The following SAMD9L variants were observed in gnomAD, a reference collection of about 807,000 sequenced individuals.
The protein encoded by SAMD9L is sterile alpha motif domain containing 9 like.
A neutral mutation model predicts 90.7 loss-of-function variants in SAMD9L; 68 were observed. The ratio of observed to expected loss-of-function variants is 0.75; its 90% CI spans 0.62 to 0.92. The LOEUF is 0.92. Ranked by LOEUF, SAMD9L falls within the 40% of genes least tolerant of loss-of-function variation. The pLI, the probability that SAMD9L is intolerant of heterozygous loss-of-function variation, is 0.00. For missense variants in SAMD9L, 1,604 were observed against 1,824.3 expected (o/e 0.88, Z 2.20); for synonymous variants, 640 against 630.1 (o/e 1.02, Z -0.23).
intron 4 of SAMD9L, among the ~76,000 whole-genome samples, chr7:93,138,099 C>T (rs1562798675): frequency 6.6e-6 from 1 of 152,274 alleles, no homozygotes; most frequent in East Asian, 1.9e-4. Context: ...CAGATCACAA[C>T]TAGTCCTGGG....
chr7:93,131,152 A>C lies in SAMD9L; in HGVS notation c.*65T>G. The C allele has an allele frequency of 1.9e-6, 2 of 1,038,174 alleles. No homozygotes were observed. The highest frequency in any genetic ancestry group is 2.7e-6 in the Non-Finnish European group (2 of 734,024). The allele number at this position is 1,038,174 out of a possible 1,614,324, so 64.3% of individuals were successfully genotyped here. A position where few individuals can be genotyped will look rare whatever the true frequency, so the allele number is the denominator to read the frequency against. Reference sequence around the variant, plus strand: ...AATGTTATGAAAGTGCCATGAGAATAGAGAGAGAGAATAAAATCATAAAGA... The same window carrying C: ...AATGTTATGAAAGTGCCATGAGAATCGAGAGAGAGAATAAAATCATAAAGA... On this transcript the variant is annotated 3_prime_UTR_variant, in exon 5 of 5. Coordinates refer to ENST00000318238, the MANE Select transcript of SAMD9L (RefSeq NM_152703.5).
chr7:93,135,390 A>G lies in SAMD9L; in HGVS notation c.582T>C (p.Asp194=), dbSNP rs1212131510. 2 of 1,613,986 alleles carry G rather than the reference A, an allele frequency of 1.2e-6. No homozygotes were observed. Among genetic ancestry groups the G allele is most frequent in the African/African-American group, 2.7e-5 (2 of 74,920 alleles). Residue 194 remains aspartate, a synonymous_variant, in exon 5 of 5, where the codon GAT becomes GAC. Coordinates refer to ENST00000318238, the MANE Select transcript of SAMD9L (RefSeq NM_152703.5). The stretch of plus-strand genomic sequence containing the variant: ...TGAGAGCTTTGAACTCATGTATTGG[A>G]TCAATGAGATTGAGTGCTCCTGTTT... ...QPETGALNLI[D]PIHEFKALTN... is the part of the protein sequence containing the mutation.
Position 93,132,059 on chromosome 7 carries a change from C to G in SAMD9L, c.3913G>C (p.Glu1305Gln). Reference sequence around the variant, plus strand: ...CATGGATCCAAATGACAGAAAAGTTCTGTGTATTTCCTGAAACAACGACTG... The same window carrying G: ...CATGGATCCAAATGACAGAAAAGTTGTGTGTATTTCCTGAAACAACGACTG... ...KVSRCFRKYTELFCHLDPCLL... is the reference protein window; with the variant it reads ...KVSRCFRKYTQLFCHLDPCLL... Residue 1305 changes from glutamate (E) to glutamine (Q), a missense_variant, in exon 5 of 5, where the codon GAA becomes CAA. Transcript: ENST00000318238. 6.2e-7 allele frequency: 1 copy of G among 1,613,678 alleles called. No individual in the cohort carries two copies. Among genetic ancestry groups the G allele is most frequent in the Non-Finnish European group, 8.5e-7 (1 of 1,179,800 alleles).
In SAMD9L at chr7:93,130,176, C is replaced by G. The variant is rs1792026738; in HGVS notation, c.*1041G>C. On this transcript the variant is annotated 3_prime_UTR_variant, in exon 5 of 5. Transcript: ENST00000318238. ...CTCTAGAATGCTGCTTGAGACTGTTCTGGCTGTTGTGCATCTGAGAATGAG... is the reference window on the plus strand; with the variant it reads ...CTCTAGAATGCTGCTTGAGACTGTTGTGGCTGTTGTGCATCTGAGAATGAG... The G allele has an allele frequency of 6.6e-6, 1 of 152,160 alleles. No individual in the cohort carries two copies. The highest frequency in any genetic ancestry group is 1.5e-5 in the Non-Finnish European group (1 of 68,046). 9.4% of individuals were successfully genotyped at this position (152,160 alleles called of 1,614,324 possible).
chr7:93,132,116 C>A lies in SAMD9L; in HGVS notation c.3856G>T (p.Glu1286Ter). The change falls in exon 5 of 5, where the codon GAA becomes TAA. Residue 1286 changes from glutamate (E) to a stop codon, truncating the protein, a stop_gained. Coordinates refer to ENST00000318238, the MANE Select transcript of SAMD9L (RefSeq NM_152703.5). LOFTEE classifies it high-confidence loss of function. ...VLLKMRYTQKEIAEIMLSKKV... is the reference protein window; with the variant it reads ...VLLKMRYTQK ...TTGCTTAACATGATTTCTGCAATTT[C>A]TTTTTGGGTATACCTCATTTTCAGA... 1 of 1,613,308 alleles carries A rather than the reference C, an allele frequency of 6.2e-7. No homozygotes were observed. Among genetic ancestry groups the A allele is most frequent in the Non-Finnish European group, 8.5e-7 (1 of 1,179,782 alleles).
rs571888872 is a variant in SAMD9L, at chr7:93,139,596, T to G, written c.-20-3605A>C. On this transcript the variant is annotated intron_variant, in intron 4 of 4. Transcript: ENST00000318238. The stretch of plus-strand genomic sequence containing the variant: ...GCTACTGTGAGAGGCATGGAAGAAA[T>G]TCTCCCTTGCAGCCCTCAGAAGGAA... Among the ~76,000 whole-genome samples the G allele has an allele frequency of 9.9e-5, 15 of 152,230 alleles. No individual in the cohort carries two copies. In the South Asian group the frequency reaches 2.9e-3, roughly 29 times the overall value.
chr7:93,141,909 G>A (rs895242867), intron 4 of SAMD9L, among the ~76,000 whole-genome samples: 63 of 152,246 alleles, frequency 4.1e-4, no homozygotes, highest in African/African-American at 1.4e-3. Context: ...CTTAAATAAG[G>A]TCTGACATGA....
chr7:93,132,567 C>T lies in SAMD9L; in HGVS notation c.3405G>A (p.Leu1135=), dbSNP rs745906048. 11 of 1,613,788 alleles carry T rather than the reference C, an allele frequency of 6.8e-6. No individual in the cohort carries two copies. The East Asian group carries it at 2.2e-4, about 33-fold the overall frequency. Reference sequence around the variant, plus strand: ...TGCTCCTACAGTTTTTGTTCCCATCCAACCACCATTTGATTTCACTTTTGT... The same window carrying T: ...TGCTCCTACAGTTTTTGTTCCCATCTAACCACCATTTGATTTCACTTTTGT... ...QVYKSEIKWW[L]DGNKNCRSIT... is the part of the protein sequence containing the mutation. The change falls in exon 5 of 5, where the codon TTG becomes TTA. Residue 1135 remains leucine (L), a synonymous_variant. Coordinates refer to ENST00000318238, the MANE Select transcript of SAMD9L (RefSeq NM_152703.5).
At chr7:93,142,237 A>G (rs912235781) in intron 4 of SAMD9L, among the ~76,000 whole-genome samples, 2 of 152,174 alleles carry the variant, frequency 1.3e-5, no homozygotes, top group African/African-American at 2.4e-5. Flanking sequence ...CATTTCACTT[A>G]ATTATATTTC....
chr7:93,143,293 A>G (rs562146337), intron 4 of SAMD9L, among the ~76,000 whole-genome samples: 5 of 151,644 alleles, frequency 3.3e-5, no homozygotes, highest in African/African-American at 9.7e-5. Context: ...TGGCTGGACA[A>G]TGGCCCTCCA....
chr7:93,131,405 G>A lies in SAMD9L; in HGVS notation c.4567C>T (p.Arg1523Cys), dbSNP rs747058390. 1.1e-5 allele frequency: 17 copies of A among 1,613,492 alleles called. No homozygotes were observed. In the Admixed American group the frequency reaches 1.3e-4, roughly 13 times the overall value. The change falls in exon 5 of 5, where the codon CGT (arginine) becomes TGT (cysteine). Residue 1523 changes from arginine (R) to cysteine (C), a missense_variant. By Grantham distance (180) the Arg-to-Cys change is radical. Transcript: ENST00000318238. ...WKKNEVKDLL[R>C]RLTGQAEGKL... The stretch of plus-strand genomic sequence containing the variant: ...CCTTCAGCCTGACCAGTTAGACGAC[G>A]CAGGAGGTCTTTGACTTCATTTTTT...
intron 4 of SAMD9L, among the ~76,000 whole-genome samples, chr7:93,142,461 A>G (rs567510936): frequency 1.3e-5 from 2 of 152,388 alleles, no homozygotes; most frequent in East Asian, 1.9e-4. Context: ...CAACTCCAGC[A>G]TCTGGATTAG....
At chr7:93,140,085 A>G (rs1057361743) in intron 4 of SAMD9L, among the ~76,000 whole-genome samples, 7 of 149,926 alleles carry the variant, frequency 4.7e-5, no homozygotes, top group Non-Finnish European at 8.8e-5. Context: ...TTGTCAGAGC[A>G]TGGCTGGAGA....
chr7:93,134,240 A>G lies in SAMD9L; in HGVS notation c.1732T>C (p.Leu578=). The change falls in exon 5 of 5, where the codon TTG becomes CTG. Residue 578 remains leucine, a synonymous_variant. Transcript: ENST00000318238. ...ATATGTGAGTTTACAGAGATACACAACATATTTTCCATTCCTTTGAGAGCT... is the reference window on the plus strand; with the variant it reads ...ATATGTGAGTTTACAGAGATACACAGCATATTTTCCATTCCTTTGAGAGCT... The part of the protein sequence containing the change: ...YQALKGMENM[L]CISVNSHIYQ... 1 of 1,613,530 alleles carries G rather than the reference A, an allele frequency of 6.2e-7. No individual in the cohort carries two copies. Among genetic ancestry groups the G allele is most frequent in the Non-Finnish European group, 8.5e-7 (1 of 1,179,798 alleles).
chr7:93,140,408 G>A (rs577718495), intron 4 of SAMD9L, among the ~76,000 whole-genome samples: 276 of 152,276 alleles, frequency 1.8e-3, no homozygotes, highest in African/African-American at 5.0e-3. Context: ...ACCCTGACTG[G>A]AACATGGCTG....
At position 93,130,512 on chromosome 7, in the gene SAMD9L, C is replaced by T. The variant is rs189385478; in HGVS notation, c.*705G>A. 1 of 152,206 alleles carries T rather than the reference C, an allele frequency of 6.6e-6. No individual in the cohort carries two copies. Among genetic ancestry groups the T allele is most frequent in the Non-Finnish European group, 1.5e-5 (1 of 68,024 alleles). 9.4% of individuals were successfully genotyped at this position (152,206 alleles called of 1,614,324 possible). On this transcript the variant is annotated 3_prime_UTR_variant, in exon 5 of 5. Coordinates refer to ENST00000318238, the MANE Select transcript of SAMD9L (RefSeq NM_152703.5). ...AAACAGGTGGAGATAAGGCTGTATT[C>T]ACAGGAGACAAAAATGGCTTAAAGG... is the stretch of plus-strand genomic sequence containing the variant.
intron 4 of SAMD9L, among the ~76,000 whole-genome samples, chr7:93,136,603 CA>C (rs1457488581): frequency 6.6e-6 from 1 of 152,190 alleles, no homozygotes; most frequent in Non-Finnish European, 1.5e-5. Flanking sequence ...AGCTATAATT[CA>C]AGCTGGGCTC....
rs749801054 is a variant in SAMD9L at position 93,134,155 on chromosome 7, T to C, written c.1817A>G (p.Asn606Ser). Residue 606 changes from asparagine (N) to serine (S), a missense_variant, in exon 5 of 5, where the codon AAC becomes AGC. By Grantham distance (46) the Asn-to-Ser change is conservative (BLOSUM62 1). This residue lies in a region of SAMD9L where 606 missense variants were observed against 717.6 expected (regional missense o/e 0.84). Coordinates refer to ENST00000318238, the MANE Select transcript of SAMD9L (RefSeq NM_152703.5). Reference protein sequence around the residue: ...TRMKMEDELTNHSISTLNIEL... With the variant: ...TRMKMEDELTSHSISTLNIEL... Reference sequence around the variant, plus strand: ...TATATTTAAAGTGGAAATACTGTGGTTTGTTAGTTCATCTTCCATCTTCAT... The same window carrying C: ...TATATTTAAAGTGGAAATACTGTGGCTTGTTAGTTCATCTTCCATCTTCAT... 1 of 1,613,884 alleles carries C rather than the reference T, an allele frequency of 6.2e-7. No individual in the cohort carries two copies. The highest frequency in any genetic ancestry group is 8.5e-7 in the Non-Finnish European group (1 of 1,179,866).
intron 2 of SAMD9L, among the ~76,000 whole-genome samples, chr7:93,146,537 C>T (rs978938325): frequency 3.9e-5 from 6 of 152,208 alleles, no homozygotes; most frequent in Non-Finnish European, 8.8e-5. Context: ...TCTGGCATTG[C>T]CTAGCACATA....
Sources: allele counts gnomAD v4.1 joint callset (sites outside exome capture counted in the v4.1 genomes callset), GRCh38; gene constraint gnomAD v4.1.1; regional missense constraint gnomAD v4.1.1; transcripts MANE v1.5; gene names NCBI Gene and HGNC (gene_info 2026-07-23, HGNC 2026-07-21).